SENP6: variants seen among roughly 807,000 people sequenced by gnomAD.
SENP6 encodes SUMO specific peptidase 6.
In SENP6, 41 loss-of-function variants were observed where a neutral mutation model predicts 134.5. The observed-to-expected ratio is 0.30, with a 90% CI of 0.24 to 0.40. SENP6 has a LOEUF of 0.40. SENP6 is among the 10% of genes least tolerant of loss of function. The pLI, the probability that SENP6 is intolerant of heterozygous loss-of-function variation, is 1.00. For synonymous variants in SENP6, 395 were observed against 429.8 expected, an observed-to-expected ratio of 0.92 and a Z score of 1.00; for missense variants, 1,248 against 1,312.5, an observed-to-expected ratio of 0.95 and a Z score of 0.76.
intron 23 of SENP6, 93 bp from the exon 24 acceptor site, chr6:75,715,292 G>C: frequency 2.1e-6 from 2 of 938,630 alleles, no homozygotes; most frequent in Non-Finnish European, 3.3e-6. Context: ...TGCGTTGTTG[G>C]GTTTTCTTAT....
At chr6:75,632,725 G>A (rs1040646326) in intron 3 of SENP6, among the ~76,000 whole-genome samples, 1 of 152,112 alleles carries the variant, frequency 6.6e-6, no homozygotes, top group African/African-American at 2.4e-5. Flanking sequence ...TGGATTTAAA[G>A]TTTTAGGGAC....
At position 75,647,805 on chromosome 6, in the gene SENP6, AGT is replaced by A. The variant is rs1770572154; in HGVS notation, c.550+8_550+9del. ...TTAAGTCGGCTCCAAGGTGTTGGTA[AGT>A]GTGCAGTTTTGTTACACCTGTGAAG... On this transcript the variant is annotated splice_donor_5th_base_variant and intron_variant, in intron 7 of 23. Transcript: ENST00000447266. 1.2e-6 allele frequency: 2 copies of A among 1,610,014 alleles called. No homozygotes were observed. The highest frequency in any genetic ancestry group is 1.7e-6 in the Non-Finnish European group (2 of 1,177,248).
chr6:75,602,159 T>G lies in SENP6; in HGVS notation c.-366T>G, dbSNP rs1766669298. On this transcript the variant is annotated 5_prime_UTR_variant, in exon 1 of 24. Coordinates refer to ENST00000447266, the MANE Select transcript of SENP6 (RefSeq NM_015571.4). ...TGTGCTCGCTTTCATTCTCCTTTCT[T>G]GGGAACCCACGGCTGGGGGAAGTTT... is the stretch of plus-strand genomic sequence containing the variant. The G allele has an allele frequency of 4.7e-6, 1 of 210,900 alleles. No individual in the cohort carries two copies. Among genetic ancestry groups the G allele is most frequent in the Admixed American group, 6.0e-5 (1 of 16,720 alleles). 13.1% of individuals were successfully genotyped at this position (210,900 alleles called of 1,614,324 possible).
Position 75,675,606 on chromosome 6 carries a change from A to G in SENP6, c.1426+138A>G, listed in dbSNP as rs978747850. 2.9e-5 allele frequency: 20 copies of G among 678,562 alleles called. 1 individual carries two copies. Among genetic ancestry groups the G allele is most frequent in the Non-Finnish European group, 3.9e-5 (16 of 406,118 alleles). 42.0% of individuals were successfully genotyped at this position (678,562 alleles called of 1,614,324 possible). A position where few individuals can be genotyped will look rare whatever the true frequency, so the allele number is the denominator to read the frequency against. On this transcript the variant is annotated intron_variant, in intron 12 of 23. Transcript: ENST00000447266. ...CATATATCTTCTTATCAAAGGGCAT[A>G]TATCTTGGTGTAATTTCATTCAGAA...
At chr6:75,653,150 C>G (rs368644116) in intron 7 of SENP6, among the ~76,000 whole-genome samples, 2 of 152,166 alleles carry the variant, frequency 1.3e-5, no homozygotes, top group Non-Finnish European at 2.9e-5. Context: ...CCTGCCTCAC[C>G]CTCCCGAATA....
At chr6:75,674,942 A>G (rs964549581) in intron 11 of SENP6, among the ~76,000 whole-genome samples, 2 of 152,190 alleles carry the variant, frequency 1.3e-5, no homozygotes, top group Non-Finnish European at 2.9e-5. Flanking sequence ...ATTTCAAAAT[A>G]CTTGCCTCCT....
Position 75,633,719 on chromosome 6 carries a change from A to G in SENP6, c.346A>G (p.Lys116Glu). ...IGLNMLSNNKKLSENTQNTSL... is the reference protein window; with the variant it reads ...IGLNMLSNNKELSENTQNTSL... The stretch of plus-strand genomic sequence containing the variant: ...ACTTAACATGTTGAGCAACAATAAG[A>G]AATTGAGGTATAGGCACTTCACCAC... Residue 116 changes from lysine to glutamate, a missense_variant, in exon 4 of 24, where the codon AAA becomes GAA. Coordinates refer to ENST00000447266, the MANE Select transcript of SENP6 (RefSeq NM_015571.4). 1 of 1,604,396 alleles carries G rather than the reference A, an allele frequency of 6.2e-7. No homozygotes were observed. The highest frequency in any genetic ancestry group is 8.5e-7 in the Non-Finnish European group (1 of 1,177,052).
At chr6:75,649,698 A>G (rs1437679792) in intron 7 of SENP6, among the ~76,000 whole-genome samples, 4 of 151,934 alleles carry the variant, frequency 2.6e-5, no homozygotes, top group Admixed American at 6.6e-5. Flanking sequence ...TGTATTGTTA[A>G]TAGAGACGAA....
At chr6:75,613,585 TAGG>T (rs1442391358) in intron 1 of SENP6, among the ~76,000 whole-genome samples, 2 of 151,910 alleles carry the variant, frequency 1.3e-5, no homozygotes, top group Non-Finnish European at 2.9e-5. Context: ...TTTCCACAAA[TAGG>T]GGGATGTATA....
intron 16 of SENP6, among the ~76,000 whole-genome samples, chr6:75,684,866 T>C (rs1307285492): frequency 6.6e-6 from 1 of 152,170 alleles, no homozygotes; most frequent in Non-Finnish European, 1.5e-5. Context: ...TCTCTTTTTT[T>C]GTTGTGTGTC....
chr6:75,666,130 CG>C (rs1772197696), intron 9 of SENP6, among the ~76,000 whole-genome samples: 1 of 130,428 alleles, frequency 7.7e-6, no homozygotes, highest in Admixed American at 8.8e-5. Context: ...ATATATAAAA[CG>C]TATATATGAT....
At chr6:75,663,739 A>G (rs543436782) in intron 9 of SENP6, among the ~76,000 whole-genome samples, 1 of 150,154 alleles carries the variant, frequency 6.7e-6, no homozygotes, top group East Asian at 2.0e-4. Flanking sequence ...TATAACCAGC[A>G]TTCTGACTTC....
intron 1 of SENP6, chr6:75,611,095 C>G (rs1767416302): frequency 6.9e-6 from 1 of 145,408 alleles, no homozygotes; most frequent in African/African-American, 2.5e-5. Context: ...CCTTCATAAC[C>G]TCCTACTTAT....
intron 1 of SENP6, among the ~76,000 whole-genome samples, chr6:75,608,510 G>A (rs1160421795): frequency 6.6e-6 from 1 of 151,514 alleles, no homozygotes; most frequent in Non-Finnish European, 1.5e-5. Context: ...AGGAAAGGAG[G>A]AAGGAAAGAA....
intron 19 of SENP6, among the ~76,000 whole-genome samples, chr6:75,708,961 A>G (rs1775587498): frequency 6.6e-6 from 1 of 152,074 alleles, no homozygotes; most frequent in Admixed American, 6.6e-5. Flanking sequence ...TCTTTGAAAC[A>G]TGTTGTGATT....
At chr6:75,618,110 C>T (rs901517987) in intron 1 of SENP6, among the ~76,000 whole-genome samples, 3 of 152,120 alleles carry the variant, frequency 2.0e-5, no homozygotes. Flanking sequence ...TTTGTTTTTC[C>T]TCCCTTTTAT....
intron 8 of SENP6, among the ~76,000 whole-genome samples, chr6:75,660,434 T>G (rs1356771323): frequency 2.0e-5 from 3 of 152,168 alleles, no homozygotes; most frequent in African/African-American, 7.2e-5. Context: ...ATGAATACTT[T>G]ACTTAAAAGG....
At chr6:75,673,831 G>C (rs550491491) in intron 11 of SENP6, among the ~76,000 whole-genome samples, 1 of 151,772 alleles carries the variant, frequency 6.6e-6, no homozygotes, top group South Asian at 2.1e-4. Flanking sequence ...GACCAGCCTG[G>C]TCAACATGGT....
At chr6:75,691,734 A>G (rs537776661) in intron 16 of SENP6, among the ~76,000 whole-genome samples, 166 of 152,142 alleles carry the variant, frequency 1.1e-3, no homozygotes, top group African/African-American at 3.8e-3. Context: ...AGCTGGGACC[A>G]CAGGCGCCTG....
Sources: allele counts gnomAD v4.1 joint callset (sites outside exome capture counted in the v4.1 genomes callset), GRCh38; gene constraint gnomAD v4.1.1; transcripts MANE v1.5; gene names NCBI Gene and HGNC (gene_info 2026-07-23, HGNC 2026-07-21).